Variants in WLS observed in about 807,000 individuals in gnomAD.
WLS encodes the protein Wnt ligand secretion mediator.
Under a neutral mutation model 62.8 loss-of-function variants are expected in WLS, and 23 were observed. That is an observed-to-expected ratio of 0.37 (90% confidence interval 0.26 to 0.52). The LOEUF is 0.52. Among genes scored for constraint, WLS ranks in the 20% least tolerant of loss-of-function variants. WLS has a pLI of 0.92. For synonymous variants in WLS, 246 were observed against 244.1 expected (o/e 1.01, Z -0.07); for missense variants, 615 against 697.3 (o/e 0.88, Z 1.33).
intron 3 of WLS, among the ~76,000 whole-genome samples, chr1:68,156,903 TG>T (rs1451929780): frequency 6.6e-6 from 1 of 152,204 alleles, no homozygotes; most frequent in Non-Finnish European, 1.5e-5. Context: ...TTATCCTCTG[TG>T]GTAACAGCAA....
intron 1 of WLS, among the ~76,000 whole-genome samples, chr1:68,221,358 T>G (rs1345461539): frequency 6.6e-6 from 1 of 152,132 alleles, no homozygotes; most frequent in African/African-American, 2.4e-5. Context: ...TTCTGAGATA[T>G]TCTATAAGTG....
chr1:68,196,049 T>C (rs1648642208), intron 1 of WLS, among the ~76,000 whole-genome samples: 1 of 151,916 alleles, frequency 6.6e-6, no homozygotes, highest in Admixed American at 6.6e-5. Flanking sequence ...TTGAATTTTA[T>C]AAATTTATTA....
intron 10 of WLS, among the ~76,000 whole-genome samples, chr1:68,142,375 G>A (rs893097642): frequency 6.6e-6 from 1 of 152,170 alleles, no homozygotes; most frequent in African/African-American, 2.4e-5. Context: ...TTGAGATGCC[G>A]TTTCTCCAAG....
In WLS at chr1:68,098,762, T is replaced by G. The variant is rs1260642863; in HGVS notation, c.1511-9A>C. The G allele has an allele frequency of 1.9e-6, 3 of 1,613,314 alleles. No homozygotes were observed. The South Asian group carries it at 3.3e-5, about 18-fold the overall frequency. ...ACATGGGAGTTGCATTCCTGGAAAA[T>G]TCAGTATATTTTAAAACCATGCAAA... On this transcript the variant is annotated splice_polypyrimidine_tract_variant and intron_variant, in intron 11 of 11. Transcript: ENST00000354777.
chr1:68,118,691 T>G (rs1321347511), intron 11 of WLS, among the ~76,000 whole-genome samples: 3 of 151,576 alleles, frequency 2.0e-5, no homozygotes, highest in Non-Finnish European at 2.9e-5. Flanking sequence ...CTGGCCAACA[T>G]GGTGAAACCC....
chr1:68,190,795 C>T (rs183789972), intron 2 of WLS, among the ~76,000 whole-genome samples: 105 of 152,298 alleles, frequency 6.9e-4, no homozygotes, highest in Admixed American at 5.9e-3. Flanking sequence ...CGGTGGCTCA[C>T]GCCTGTAATC....
chr1:68,152,292 T>A (rs1248332404), intron 5 of WLS, among the ~76,000 whole-genome samples: 1 of 152,146 alleles, frequency 6.6e-6, no homozygotes, highest in African/African-American at 2.4e-5. Flanking sequence ...TTAAGAGTCA[T>A]CAGAGAATAG....
intron 2 of WLS, among the ~76,000 whole-genome samples, chr1:68,174,495 C>G (rs1647202110): frequency 1.3e-5 from 2 of 152,114 alleles, no homozygotes; most frequent in Admixed American, 1.3e-4. Flanking sequence ...ATTCATAATA[C>G]TATAAAGAAG....
At chr1:68,213,216 C>T (rs561776111) in intron 1 of WLS, among the ~76,000 whole-genome samples, 13 of 151,952 alleles carry the variant, frequency 8.6e-5, no homozygotes, top group East Asian at 7.7e-4. Flanking sequence ...TTTGGGAGGC[C>T]GAGGCAGGTG....
chr1:68,150,160 G>C lies in WLS; in HGVS notation c.972+28C>G, dbSNP rs1646807062. ...CAGCCTGCACAGAGCAGCTGGTACAGACGTCTGTCCCTCCCGGCGGCTCTT... is the reference window on the plus strand; with the variant it reads ...CAGCCTGCACAGAGCAGCTGGTACACACGTCTGTCCCTCCCGGCGGCTCTT... On this transcript the variant is annotated intron_variant, in intron 6 of 11. Coordinates refer to ENST00000262348, the MANE Select transcript of WLS (RefSeq NM_024911.7). 3.7e-6 allele frequency: 6 copies of C among 1,609,976 alleles called. No individual in the cohort carries two copies. The East Asian group carries it at 1.1e-4, about 30-fold the overall frequency.
downstream of WLS, among the ~76,000 whole-genome samples, chr1:68,122,655 A>G (rs1417634106): frequency 6.6e-6 from 1 of 152,252 alleles, no homozygotes; most frequent in Non-Finnish European, 1.5e-5. Context: ...ATGACAATGT[A>G]TAAAACTGGT....
intron 2 of WLS, among the ~76,000 whole-genome samples, chr1:68,181,728 A>G (rs779308852): frequency 1.1e-4 from 16 of 152,182 alleles, no homozygotes; most frequent in Non-Finnish European, 1.5e-4. Flanking sequence ...ACCGTGGGCG[A>G]GTACCACAGA....
chr1:68,100,237 T>C lies in WLS; in HGVS notation c.1511-1484A>G, dbSNP rs920530117. ...TATTAGTTGAGGATCCACAAGTTAGTTGAGGATCCTGGTCCCCTGGTTCTT... is the reference window on the plus strand; with the variant it reads ...TATTAGTTGAGGATCCACAAGTTAGCTGAGGATCCTGGTCCCCTGGTTCTT... On this transcript the variant is annotated intron_variant, in intron 11 of 11. Coordinates refer to the WLS transcript ENST00000354777. Among the ~76,000 whole-genome samples, 9 of 152,342 alleles carry C rather than the reference T, an allele frequency of 5.9e-5. No individual in the cohort carries two copies. The East Asian group carries it at 1.5e-3, about 26-fold the overall frequency.
rs567598014 is a variant in WLS, at chr1:68,155,384, G to A, written c.505-124C>T. 1.1e-4 allele frequency: 130 copies of A among 1,215,036 alleles called. 2 individuals are homozygous for A. The Admixed American group carries it at 1.4e-3, about 13-fold the overall frequency. 75.3% of individuals were successfully genotyped at this position (1,215,036 alleles called of 1,614,324 possible). A position where few individuals can be genotyped will look rare whatever the true frequency, so the allele number is the denominator to read the frequency against. On this transcript the variant is annotated intron_variant, in intron 3 of 11. Coordinates refer to ENST00000262348, the MANE Select transcript of WLS (RefSeq NM_024911.7). The stretch of plus-strand genomic sequence containing the variant: ...TAATGCTTAAAGGTACACTTTAGAC[G>A]TACAGAGTAACAATGCATACTGGAG...
At chr1:68,181,214 G>A (rs371799867) in intron 2 of WLS, among the ~76,000 whole-genome samples, 1 of 152,192 alleles carries the variant, frequency 6.6e-6, no homozygotes, top group South Asian at 2.1e-4. Context: ...TTTAAATACT[G>A]AAAGACCCAA....
At chr1:68,121,569 C>T (rs371790200), downstream of WLS, among the ~76,000 whole-genome samples, 21 of 152,134 alleles carry the variant, frequency 1.4e-4, no homozygotes, top group East Asian at 1.2e-3. Context: ...AAATCAATCA[C>T]GTATCAAAAC....
chr1:68,135,913 T>C (rs745483191), intron 11 of WLS, among the ~76,000 whole-genome samples: 1 of 152,168 alleles, frequency 6.6e-6, no homozygotes, highest in African/African-American at 2.4e-5. Flanking sequence ...GGAAGAAGGC[T>C]GCCTAGCTCA....
At chr1:68,125,055 C>T (rs1329623393), downstream of WLS, among the ~76,000 whole-genome samples, 2 of 152,166 alleles carry the variant, frequency 1.3e-5, no homozygotes, top group Non-Finnish European at 2.9e-5. Context: ...CGGCTATCTC[C>T]AGTGCAAGTG....
At chr1:68,133,047 A>AGCG (rs1391966569) in intron 11 of WLS, among the ~76,000 whole-genome samples, 16 of 117,710 alleles carry the variant, frequency 1.4e-4, no homozygotes, top group African/African-American at 3.8e-4. Flanking sequence ...ATGAAAAGGC[A>AGCG]GCAGCAGCAA....
Sources: allele counts gnomAD v4.1 joint callset (sites outside exome capture counted in the v4.1 genomes callset), GRCh38; gene constraint gnomAD v4.1.1; transcripts MANE v1.5; gene names NCBI Gene and HGNC (gene_info 2026-07-23, HGNC 2026-07-21).